The following VTI1A variants were observed in gnomAD, a reference collection of about 807,000 sequenced individuals.
VTI1A encodes vesicle transport through interaction with t-SNAREs homolog 1A.
Under a neutral mutation model 34.9 loss-of-function variants are expected in VTI1A, and 22 were observed. That is an observed-to-expected ratio of 0.63 (90% CI 0.45 to 0.90). The LOEUF (loss-of-function observed/expected upper bound fraction) is 0.90, where lower values mean the gene tolerates loss of function less well. Ranked by LOEUF, VTI1A falls within the 40% of genes least tolerant of loss-of-function variation. The probability of loss-of-function intolerance (pLI) is 0.00; values close to 1 mark genes in which losing one functional copy is unlikely to be tolerated. For synonymous variants in VTI1A, 87 were observed against 97.3 expected (o/e 0.89, Z 0.62); for missense variants, 268 against 275.6 (o/e 0.97, Z 0.20).
chr10:112,800,007 A>G (rs1852821567), intron 7 of VTI1A, among the ~76,000 whole-genome samples: 1 of 152,172 alleles, frequency 6.6e-6, no homozygotes, highest in Non-Finnish European at 1.5e-5. Context: ...ACGTAACCAC[A>G]TCCCTCAAAA....
At chr10:112,752,682 A>G (rs934631848) in intron 7 of VTI1A, 1 of 513,402 alleles carries the variant, frequency 1.9e-6, no homozygotes, top group Non-Finnish European at 2.5e-6. Flanking sequence ...TGTTGCCTCC[A>G]CTTAGGAAAC....
chr10:112,851,846 G>T, the VTI1A span, among the ~76,000 whole-genome samples: 1 of 152,078 alleles, frequency 6.6e-6, no homozygotes, highest in Non-Finnish European at 1.5e-5. Context: ...GATAATGGCC[G>T]TAGGAAGACT....
intron 5 of VTI1A, among the ~76,000 whole-genome samples, chr10:112,576,159 T>C (rs1327730653): frequency 6.6e-6 from 1 of 152,034 alleles, no homozygotes. Flanking sequence ...TAGCTGGGAC[T>C]ACGGGCAACA....
chr10:112,577,449 G>A (rs761456561), intron 5 of VTI1A, among the ~76,000 whole-genome samples: 4 of 152,082 alleles, frequency 2.6e-5, no homozygotes, highest in African/African-American at 4.8e-5. Context: ...AGTAGACCAG[G>A]CACTCTTTGG....
At chr10:112,750,210 G>T in intron 7 of VTI1A, among the ~76,000 whole-genome samples, 1 of 151,744 alleles carries the variant, frequency 6.6e-6, no homozygotes, top group South Asian at 2.1e-4. Flanking sequence ...GTTTTTTGAG[G>T]TAGGGTCTCA....
the VTI1A span, chr10:112,826,703 T>A: frequency 6.6e-6 from 1 of 152,066 alleles, no homozygotes; most frequent in Non-Finnish European, 1.5e-5. Flanking sequence ...AAGGAAAATA[T>A]CCTGATTCCA....
At chr10:112,634,723 T>C (rs1846277336) in intron 5 of VTI1A, among the ~76,000 whole-genome samples, 1 of 152,174 alleles carries the variant, frequency 6.6e-6, no homozygotes. Flanking sequence ...CGTAATTATC[T>C]TTTTTGACTC....
intron 5 of VTI1A, among the ~76,000 whole-genome samples, chr10:112,588,566 G>A (rs768020278): frequency 2.0e-5 from 3 of 152,072 alleles, no homozygotes; most frequent in East Asian, 1.9e-4. Context: ...TAATAACCCC[G>A]TCTTACAAAG....
intron 5 of VTI1A, among the ~76,000 whole-genome samples, chr10:112,659,825 A>T (rs1481836226): frequency 6.6e-6 from 1 of 152,240 alleles, no homozygotes; most frequent in Non-Finnish European, 1.5e-5. Flanking sequence ...AATTTTTTAA[A>T]ATAATGTCAT....
intron 5 of VTI1A, among the ~76,000 whole-genome samples, chr10:112,557,092 T>C (rs1851566481): frequency 6.6e-6 from 1 of 152,122 alleles, no homozygotes; most frequent in South Asian, 2.1e-4. Flanking sequence ...TTTTTTCTTA[T>C]GGAAGAAAAG....
At chr10:112,647,737 C>A (rs966516766) in intron 5 of VTI1A, among the ~76,000 whole-genome samples, 3 of 152,058 alleles carry the variant, frequency 2.0e-5, no homozygotes, top group African/African-American at 7.2e-5. Context: ...AATAATTATA[C>A]TTTGTCTCTG....
At chr10:112,494,118 A>G (rs80109592) in intron 3 of VTI1A, among the ~76,000 whole-genome samples, 9,818 of 152,182 alleles carry the variant, frequency 0.065, 608 homozygotes, top group East Asian at 0.3. Flanking sequence ...TTGTTTTACT[A>G]ATTTAATTTT....
chr10:112,525,831 G>A (rs1850203977), intron 3 of VTI1A, among the ~76,000 whole-genome samples: 1 of 152,158 alleles, frequency 6.6e-6, no homozygotes, highest in African/African-American at 2.4e-5. Flanking sequence ...TACGTTTGAT[G>A]TTTAAGGTAT....
chr10:112,847,572 CA>C, the VTI1A span, among the ~76,000 whole-genome samples: 1 of 152,208 alleles, frequency 6.6e-6, no homozygotes, highest in Non-Finnish European at 1.5e-5. Context: ...GCCACTGAAT[CA>C]CTCAACCTTT....
chr10:112,829,772 A>G, the VTI1A span, among the ~76,000 whole-genome samples: 1 of 152,210 alleles, frequency 6.6e-6, no homozygotes, highest in African/African-American at 2.4e-5. Context: ...AAAAATAAAT[A>G]ATCTATTGAT....
At chr10:112,577,614 G>A (rs1843758280) in intron 5 of VTI1A, among the ~76,000 whole-genome samples, 1 of 152,202 alleles carries the variant, frequency 6.6e-6, no homozygotes, top group Non-Finnish European at 1.5e-5. Flanking sequence ...CAAGTAAAAA[G>A]TTGTGTTCAA....
chr10:112,769,279 G>C (rs1851733780), intron 7 of VTI1A, among the ~76,000 whole-genome samples: 1 of 152,192 alleles, frequency 6.6e-6, no homozygotes, highest in South Asian at 2.1e-4. Flanking sequence ...GGCTGTCTCA[G>C]GGCCTCATTG....
intron 7 of VTI1A, among the ~76,000 whole-genome samples, chr10:112,749,457 G>T (rs2133989526): frequency 6.6e-6 from 1 of 152,340 alleles, no homozygotes; most frequent in Middle Eastern, 3.4e-3. Flanking sequence ...CCCAACAAGG[G>T]TTGAATGCTG....
intron 7 of VTI1A, among the ~76,000 whole-genome samples, chr10:112,801,149 ATC>A (rs1852863849): frequency 6.6e-6 from 1 of 152,124 alleles, no homozygotes; most frequent in South Asian, 2.1e-4. Context: ...TCTCGAGCAG[ATC>A]TTCCCAGGAT....
Sources: gnomAD v4.1 joint callset for allele counts (sites outside exome capture counted in the v4.1 genomes callset) on GRCh38, gnomAD v4.1.1 for gene constraint, MANE v1.5 for transcripts, NCBI Gene and HGNC (gene_info 2026-07-23, HGNC 2026-07-21) for gene names.